GIPR: variants seen among roughly 807,000 people sequenced by gnomAD.
The protein encoded by GIPR is gastric inhibitory polypeptide receptor.
GIPR carries 74 observed loss-of-function variants against 62.2 expected under a neutral mutation model. The ratio of observed to expected loss-of-function variants is 1.19; its 90% confidence interval spans 0.99 to 1.44. The LOEUF (loss-of-function observed/expected upper bound fraction) is 1.44. GIPR is among the 40% of genes most tolerant of loss of function. The pLI, the probability that GIPR is intolerant of heterozygous loss-of-function variation, is 0.00. For missense variants in GIPR, 664 were observed against 611.8 expected (o/e 1.09, Z -0.90); for synonymous variants, 256 against 262.2 (o/e 0.98, Z 0.23).
chr19:45,674,662 T>C lies in GIPR; in HGVS notation c.489-20T>C. ...GACAGCTCTCCAGGGGCCCCCACAC[T>C]GCCTTCCAAATTCCCCTAGGCGGCT... On this transcript the variant is annotated intron_variant, in intron 6 of 13. Transcript: ENST00000590918. 6.2e-7 allele frequency: 1 copy of C among 1,613,570 alleles called. No individual in the cohort carries two copies. The highest frequency in any genetic ancestry group is 8.5e-7 in the Non-Finnish European group (1 of 1,179,756).
At position 45,681,757 on chromosome 19, in the gene GIPR, A is replaced by C. The variant is rs1210667721; in HGVS notation, c.1223A>C (p.His408Pro). 1 of 1,607,108 alleles carries C rather than the reference A, an allele frequency of 6.2e-7. No individual in the cohort carries two copies. Among genetic ancestry groups the C allele is most frequent in the Non-Finnish European group, 8.5e-7 (1 of 1,176,788 alleles). The change falls in exon 14 of 14, where the codon CAC becomes CCC. Residue 408 changes from histidine to proline, a missense_variant. Transcript: ENST00000590918. ...EVQSEIRRGW[H>P]HCRLRRSLGE... ...CAGTCGGAGATCCGCCGTGGCTGGC[A>C]CCACTGCCGCCTGCGCCGCAGCCTG...
In GIPR at chr19:45,683,130, G is replaced by C. The variant is rs576348958; in HGVS notation, c.*1195G>C. 2.6e-5 allele frequency: 4 copies of C among 152,680 alleles called. No homozygotes were observed. The highest frequency in any genetic ancestry group is 5.9e-5 in the Non-Finnish European group (4 of 68,348). The allele number at this position is 152,680 out of a possible 1,614,324, so 9.5% of individuals were successfully genotyped here. A position where few individuals can be genotyped will look rare whatever the true frequency, so the allele number is the denominator to read the frequency against. Reference sequence around the variant, plus strand: ...GACTAAAGATAGAGAGATTGGGTTCGGGTAGGGGGAGAACCACGTGTGCTC... The same window carrying C: ...GACTAAAGATAGAGAGATTGGGTTCCGGTAGGGGGAGAACCACGTGTGCTC... On this transcript the variant is annotated 3_prime_UTR_variant, in exon 14 of 14. Transcript: ENST00000590918.
chr19:45,671,758 G>A (rs990454965), intron 4 of GIPR, among the ~76,000 whole-genome samples: 3 of 151,178 alleles, frequency 2.0e-5, no homozygotes, highest in African/African-American at 7.3e-5. Context: ...GGGATTACAG[G>A]CGCGCGCCAC....
Position 45,681,959 on chromosome 19 carries a change from C to A in GIPR, c.*24C>A, listed in dbSNP as rs12709891. 0.25 allele frequency: 387,002 copies of A among 1,540,810 alleles called. 50,639 individuals are homozygous for A. The highest frequency in any genetic ancestry group is 0.46 in the East Asian group (19,130 of 41,574). ...AGGGGGCGGGATCCCCGTGTCTGTT[C>A]AGTTAGCATGGATTTATTGAGTGCC... On this transcript the variant is annotated 3_prime_UTR_variant, in exon 14 of 14. Transcript: ENST00000590918.
At chr19:45,670,597 G>T (rs762274596) in intron 2 of GIPR, 38 bp from the exon 3 acceptor site, 1 of 1,436,482 alleles carries the variant, frequency 7.0e-7, no homozygotes, top group Non-Finnish European at 9.8e-7. Flanking sequence ...GGGAGCGGGG[G>T]TCGGTCTGGG....
At chr19:45,668,666 G>T (rs1268094160) in intron 1 of GIPR, among the ~76,000 whole-genome samples, 1 of 152,204 alleles carries the variant, frequency 6.6e-6, no homozygotes, top group African/African-American at 2.4e-5. Context: ...CTGTGACGCC[G>T]TTGTCTGTCC....
intron 12 of GIPR, 70 bp from the exon 13 acceptor site, chr19:45,681,534 G>A (rs1967222765): frequency 1.6e-6 from 2 of 1,243,092 alleles, no homozygotes; most frequent in Non-Finnish European, 2.4e-6. Flanking sequence ...AAAAAACGGG[G>A]AGGGAGGCGC....
Position 45,674,755 on chromosome 19 carries a change from C to G in GIPR, c.562C>G (p.Leu188Val). The G allele has an allele frequency of 6.2e-7, 1 of 1,613,984 alleles. No individual in the cohort carries two copies. Among genetic ancestry groups the G allele is most frequent in the Non-Finnish European group, 8.5e-7 (1 of 1,179,910 alleles). ...TTTCATGCTGCGAGCTGCGGCCATT[C>G]TCAGCCGAGACCGTCTGCTACCTCG... ...TSFMLRAAAILSRDRLLPRPG... is the reference protein window; with the variant it reads ...TSFMLRAAAIVSRDRLLPRPG... The change falls in exon 7 of 14, where the codon CTC becomes GTC. Residue 188 changes from leucine to valine, a missense_variant. Physicochemically the swap from Leu to Val is conservative, Grantham distance 32. Transcript: ENST00000590918.
rs907354578 is a variant in GIPR at position 45,671,290 on chromosome 19, G to A, written c.178G>A (p.Ala60Thr). ...LAAAEPPSGL[A>T]CNGSFDMYVC... ...GCCCCCGTGCCCACCCCCAGGCCTC[G>A]CCTGTAACGGGTCCTTCGATATGTA... Residue 60 changes from alanine (A) to threonine (T), a missense_variant, in exon 4 of 14, where the codon GCC (alanine) becomes ACC (threonine). Ala to Thr is a moderately conservative substitution (Grantham distance 58). Coordinates refer to ENST00000590918, the MANE Select transcript of GIPR (RefSeq NM_000164.4). 1 of 1,608,230 alleles carries A rather than the reference G, an allele frequency of 6.2e-7. No individual in the cohort carries two copies. The highest frequency in any genetic ancestry group is 8.5e-7 in the Non-Finnish European group (1 of 1,176,270).
intron 2 of GIPR, 21 bp downstream of exon 2, chr19:45,669,613 A>G: frequency 6.4e-7 from 1 of 1,564,702 alleles, no homozygotes; most frequent in African/African-American, 1.3e-5. Flanking sequence ...GAGGAGCCAG[A>G]GGAGCTCCAG....
rs1975619739 is a variant in GIPR at position 45,672,956 on chromosome 19, TAAG to T, written c.384+7_384+9del. The T allele has an allele frequency of 6.5e-7, 1 of 1,539,554 alleles. No homozygotes were observed. Among genetic ancestry groups the T allele is most frequent in the Admixed American group, 1.7e-5 (1 of 59,892 alleles). On this transcript the variant is annotated splice_donor_5th_base_variant and intron_variant, in intron 5 of 13. Coordinates refer to ENST00000590918, the MANE Select transcript of GIPR (RefSeq NM_000164.4). ...CCAGAGAAGAATGAGGCCTTTCTGGTAAGAAGAGGTGAGGGCTTCAGGTTAGGA... is the reference window on the plus strand; with the variant it reads ...CCAGAGAAGAATGAGGCCTTTCTGGTAAGAGGTGAGGGCTTCAGGTTAGGA...
At chr19:45,670,449 A>T (rs371765231) in intron 2 of GIPR, 186 bp from the exon 3 acceptor site, 5 of 538,782 alleles carry the variant, frequency 9.3e-6, no homozygotes, top group Non-Finnish European at 6.8e-6. Context: ...TCCCATAGCA[A>T]CTCCAGTGGG....
At position 45,670,672 on chromosome 19, in the gene GIPR, AGC is replaced by A. The variant is rs1975486606; in HGVS notation, c.113_114del (p.Arg38LeufsTer24). ...GGGCAGACGGCGGGGGAGCTGTACC[AGC>A]GCTGGGAACGGTACCGCAGGGAGTG... On this transcript the variant is annotated frameshift_variant, in exon 3 of 14. Coordinates refer to ENST00000590918, the MANE Select transcript of GIPR (RefSeq NM_000164.4). LOFTEE classifies it high-confidence loss of function. The A allele has an allele frequency of 5.0e-6, 8 of 1,613,478 alleles. No individual in the cohort carries two copies. In the South Asian group the frequency reaches 7.7e-5, roughly 16 times the overall value.
intron 3 of GIPR, 56 bp from the exon 4 acceptor site, chr19:45,671,229 C>A: frequency 9.8e-7 from 1 of 1,019,650 alleles, no homozygotes; most frequent in Non-Finnish European, 1.6e-6. Context: ...CGCAGTAGCA[C>A]TTGGCCCACT....
Position 45,682,424 on chromosome 19 carries a change from T to G in GIPR, c.*489T>G. On this transcript the variant is annotated 3_prime_UTR_variant, in exon 14 of 14. Transcript: ENST00000590918. ...CATTGGAGATTCTTAGGAGTGTCTC[T>G]TGGGGGTAATATTTTATTTTTTAAA... 6.4e-6 allele frequency: 1 copy of G among 156,992 alleles called. No homozygotes were observed. Among genetic ancestry groups the G allele is most frequent in the Admixed American group, 6.5e-5 (1 of 15,496 alleles). 9.7% of individuals were successfully genotyped at this position (156,992 alleles called of 1,614,324 possible).
chr19:45,672,325 T>C (rs918255048), intron 4 of GIPR, among the ~76,000 whole-genome samples: 3 of 152,156 alleles, frequency 2.0e-5, no homozygotes, highest in African/African-American at 7.2e-5. Context: ...TTTGTTGTTG[T>C]TGAGACAGAG....
At chr19:45,672,741 T>C (rs1238414476) in intron 4 of GIPR, 110 bp from the exon 5 acceptor site, 5 of 719,370 alleles carry the variant, frequency 7.0e-6, no homozygotes, top group Non-Finnish European at 1.0e-5. Flanking sequence ...ATCATCATCA[T>C]CATCATCACC....
chr19:45,674,747 C>A lies in GIPR; in HGVS notation c.554C>A (p.Ala185Glu). ...TTCACGTCTTTCATGCTGCGAGCTG[C>A]GGCCATTCTCAGCCGAGACCGTCTG... ...NLFTSFMLRA[A>E]AILSRDRLLP... The change falls in exon 7 of 14, where the codon GCG becomes GAG. Residue 185 changes from alanine to glutamate, a missense_variant. Coordinates refer to ENST00000590918, the MANE Select transcript of GIPR (RefSeq NM_000164.4). The A allele has an allele frequency of 6.2e-7, 1 of 1,613,852 alleles. No individual in the cohort carries two copies. The highest frequency in any genetic ancestry group is 2.2e-5 in the East Asian group (1 of 44,874).
rs1369401735 is a variant in GIPR, at chr19:45,674,106, C to A, written c.417C>A (p.Val139=). ...DQRLILERLQ[V]MYTVGYSLSL... Reference sequence around the variant, plus strand: ...GGCTCATCTTGGAGCGGTTGCAGGTCATGTACACTGTCGGCTACTCCCTGT... The same window carrying A: ...GGCTCATCTTGGAGCGGTTGCAGGTAATGTACACTGTCGGCTACTCCCTGT... Residue 139 remains valine (V), a synonymous_variant, in exon 6 of 14, where the codon GTC becomes GTA. Transcript: ENST00000590918. 2 of 1,613,274 alleles carry A rather than the reference C, an allele frequency of 1.2e-6. No homozygotes were observed. Among genetic ancestry groups the A allele is most frequent in the Non-Finnish European group, 1.7e-6 (2 of 1,179,342 alleles).
Sources: allele counts gnomAD v4.1 joint callset (sites outside exome capture counted in the v4.1 genomes callset), GRCh38; gene constraint gnomAD v4.1.1; transcripts MANE v1.5; gene names NCBI Gene and HGNC (gene_info 2026-07-23, HGNC 2026-07-21).